The following R3HDM1 variants were observed in gnomAD, a reference collection of about 807,000 sequenced individuals.
R3HDM1 encodes the protein R3H domain containing 1.
In R3HDM1, 46 loss-of-function variants were observed where a neutral mutation model predicts 141.1. That is an observed-to-expected ratio of 0.33 (90% confidence interval 0.26 to 0.42). R3HDM1 has a LOEUF of 0.42. R3HDM1 is among the 10% of genes least tolerant of loss of function. R3HDM1 has a pLI of 1.00. For synonymous variants in R3HDM1, 435 were observed against 472.9 expected, an observed-to-expected ratio of 0.92 and a Z score of 1.04; for missense variants, 1,184 against 1,368.3, an observed-to-expected ratio of 0.87 and a Z score of 2.12.
At chr2:135,704,028 T>A (rs915358311) in intron 21 of R3HDM1, among the ~76,000 whole-genome samples, 16 of 152,342 alleles carry the variant, frequency 1.1e-4, no homozygotes, top group African/African-American at 3.8e-4. Flanking sequence ...TTGCCCAGGC[T>A]GGAGTGCAGT....
intron 7 of R3HDM1, among the ~76,000 whole-genome samples, chr2:135,628,763 T>A (rs1235694292): frequency 6.6e-6 from 1 of 151,992 alleles, no homozygotes; most frequent in African/African-American, 2.4e-5. Context: ...GTAGCTGGGA[T>A]TACAGGCATG....
intron 1 of R3HDM1, among the ~76,000 whole-genome samples, chr2:135,537,404 GC>G (rs544925349): frequency 7.0e-6 from 1 of 143,818 alleles, no homozygotes; most frequent in Non-Finnish European, 1.5e-5. Flanking sequence ...TCCTTCCTCA[GC>G]CCCCCCAAGT....
intron 6 of R3HDM1, chr2:135,622,452 A>G: frequency 1.0e-6 from 1 of 983,884 alleles, no homozygotes; most frequent in Non-Finnish European, 1.2e-6. Context: ...ATATGCAGTT[A>G]TATAAACTCA....
At chr2:135,538,714 A>G (rs1696784418) in intron 1 of R3HDM1, among the ~76,000 whole-genome samples, 1 of 152,200 alleles carries the variant, frequency 6.6e-6, no homozygotes. Flanking sequence ...CCTGGATTCA[A>G]GCGATTCTTC....
rs376164503 is a variant in R3HDM1, at chr2:135,651,786, T to A, written c.1782T>A (p.Ala594=). ...SHMSLARQPS[A]DGSDPHAAMF... ...TGAGTCTTGCTCGCCAGCCATCTGC[T>A]GATGGTTCTGACCCTCATGCCGCCA... is the stretch of plus-strand genomic sequence containing the variant. Residue 594 remains alanine, a synonymous_variant, in exon 18 of 27, where the codon GCT becomes GCA. Coordinates refer to ENST00000683871, the MANE Select transcript of R3HDM1 (RefSeq NM_001378107.1). 8.7e-6 allele frequency: 14 copies of A among 1,614,084 alleles called. No homozygotes were observed. In the African/African-American group the frequency reaches 1.7e-4, roughly 20 times the overall value.
chr2:135,672,737 TTGTGTG>T (rs1295879516), intron 19 of R3HDM1, among the ~76,000 whole-genome samples: 5 of 151,894 alleles, frequency 3.3e-5, no homozygotes, highest in African/African-American at 9.7e-5. Context: ...GTGCGTGTGT[TTGTGTG>T]TGTGCTTGTG....
At chr2:135,667,326 A>C in intron 19 of R3HDM1, 1 of 713,872 alleles carries the variant, frequency 1.4e-6, no homozygotes, top group Non-Finnish European at 1.7e-6. Flanking sequence ...CTTTCCTCTG[A>C]AAGTGCTGAA....
At chr2:135,622,156 AT>A (rs1465351593) in intron 6 of R3HDM1, 1 of 984,648 alleles carries the variant, frequency 1.0e-6, no homozygotes, top group Admixed American at 6.2e-5. Flanking sequence ...TTTGAAAAGT[AT>A]TTTGAAAGCA....
At chr2:135,540,337 C>G (rs750760357) in intron 1 of R3HDM1, among the ~76,000 whole-genome samples, 7 of 152,160 alleles carry the variant, frequency 4.6e-5, no homozygotes, top group African/African-American at 1.7e-4. Context: ...CTTCCACACT[C>G]TTGTTGATAT....
intron 5 of R3HDM1, chr2:135,620,341 C>T (rs1320518776): frequency 9.2e-6 from 8 of 870,264 alleles, no homozygotes; most frequent in East Asian, 2.4e-4. Context: ...TTATGAAAAG[C>T]GTAAAGAAAG....
At chr2:135,543,007 G>A (rs1255764465) in intron 1 of R3HDM1, 1 of 768,262 alleles carries the variant, frequency 1.3e-6, no homozygotes, top group Admixed American at 6.3e-5. Flanking sequence ...CAAAGTGCTG[G>A]GATTACAGGT....
intron 1 of R3HDM1, among the ~76,000 whole-genome samples, chr2:135,541,287 G>A (rs1227128891): frequency 2.0e-5 from 3 of 151,868 alleles, no homozygotes; most frequent in African/African-American, 4.8e-5. Flanking sequence ...TGCAAGCTCC[G>A]CCTCCCGCCT....
chr2:135,550,857 T>TAAA (rs1699711148), intron 1 of R3HDM1, among the ~76,000 whole-genome samples: 1 of 152,206 alleles, frequency 6.6e-6, no homozygotes, highest in Non-Finnish European at 1.5e-5. Flanking sequence ...ATGGGTTTAT[T>TAAA]AGGGAAATTT....
intron 18 of R3HDM1, among the ~76,000 whole-genome samples, chr2:135,653,054 T>TAA (rs529959315): frequency 4.3e-5 from 6 of 139,120 alleles, no homozygotes; most frequent in Admixed American, 2.9e-4. Flanking sequence ...TTGATGTTCT[T>TAA]AAAAAAAAAA....
intron 21 of R3HDM1, among the ~76,000 whole-genome samples, chr2:135,684,811 G>A (rs2071053918): frequency 6.6e-6 from 1 of 151,788 alleles, no homozygotes; most frequent in Non-Finnish European, 1.5e-5. Context: ...TACCCAGGCT[G>A]GAGGGCAGTG....
Position 135,651,974 on chromosome 2 carries a change from A to G in R3HDM1, c.1970A>G (p.His657Arg). 3 of 1,612,446 alleles carry G rather than the reference A, an allele frequency of 1.9e-6. No individual in the cohort carries two copies. Among genetic ancestry groups the G allele is most frequent in the Non-Finnish European group, 2.5e-6 (3 of 1,179,030 alleles). The change falls in exon 18 of 27, where the codon CAT becomes CGT. Residue 657 changes from histidine to arginine, a missense_variant. By Grantham distance (29) the His-to-Arg change is conservative (BLOSUM62 0). This residue lies in a region of R3HDM1 where 563 missense variants were observed against 562.0 expected (regional missense o/e 1.00). Transcript: ENST00000683871. ...ACTGCTGGATATCCTGCCTCTGGTC[A>G]TCCTGTCAGCCAGCCTGTGCTCCAG... is the stretch of plus-strand genomic sequence containing the variant. ...VPTAGYPASG[H>R]PVSQPVLQQQ...
intron 11 of R3HDM1, 123 bp downstream of exon 11, chr2:135,636,306 A>G (rs1475956573): frequency 4.3e-6 from 6 of 1,405,596 alleles, no homozygotes; most frequent in Non-Finnish European, 5.6e-6. Flanking sequence ...ACATAAGGTC[A>G]TCTTTTAGAA....
At chr2:135,616,640 A>C (rs1321394541) in intron 4 of R3HDM1, 28 bp from the exon 5 acceptor site, 2 of 1,526,298 alleles carry the variant, frequency 1.3e-6, no homozygotes, top group Non-Finnish European at 1.8e-6. Context: ...TCTGAAATGT[A>C]GTGTTAATTA....
At chr2:135,620,536 A>G in intron 5 of R3HDM1, 1 of 984,586 alleles carries the variant, frequency 1.0e-6, no homozygotes, top group Non-Finnish European at 1.2e-6. Context: ...GGTATGATGA[A>G]TTAAGAAGAA....
Sources: gnomAD v4.1 joint callset for allele counts (sites outside exome capture counted in the v4.1 genomes callset) on GRCh38, gnomAD v4.1.1 for gene constraint, gnomAD v4.1.1 regional missense constraint, MANE v1.5 for transcripts, NCBI Gene and HGNC (gene_info 2026-07-23, HGNC 2026-07-21) for gene names.